RNLS: variants seen among roughly 807,000 people sequenced by gnomAD.
RNLS encodes the protein renalase, FAD dependent amine oxidase.
In RNLS, 39 loss-of-function variants were observed where a neutral mutation model predicts 39.8. The ratio of observed to expected loss-of-function variants is 0.98; its 90% CI spans 0.76 to 1.28. RNLS has a LOEUF of 1.28. RNLS is among the 50% of genes most tolerant of loss of function. The probability of loss-of-function intolerance (pLI) is 0.00; values close to 1 mark genes in which losing one functional copy is unlikely to be tolerated. For synonymous variants in RNLS, 147 were observed against 150.7 expected (o/e 0.98, Z 0.18); for missense variants, 410 against 413.3 (o/e 0.99, Z 0.07).
chr10:88,438,638 G>T (rs1841543034), intron 4 of RNLS, among the ~76,000 whole-genome samples: 1 of 152,202 alleles, frequency 6.6e-6, no homozygotes, highest in Non-Finnish European at 1.5e-5. Flanking sequence ...CACAGAATGG[G>T]TGGGTGATCT....
At chr10:88,178,986 T>A in the RNLS span, among the ~76,000 whole-genome samples, 1 of 152,158 alleles carries the variant, frequency 6.6e-6, no homozygotes, top group Non-Finnish European at 1.5e-5. Context: ...TTGTAGATGC[T>A]GAGGATATAT....
intron 6 of RNLS, among the ~76,000 whole-genome samples, chr10:88,277,947 T>C (rs1842872386): frequency 6.6e-6 from 1 of 152,198 alleles, no homozygotes; most frequent in Non-Finnish European, 1.5e-5. Flanking sequence ...AATTTAACTT[T>C]TCACAAATTT....
chr10:88,302,293 A>G (rs1366543033), intron 6 of RNLS, among the ~76,000 whole-genome samples: 1 of 152,232 alleles, frequency 6.6e-6, no homozygotes, highest in Non-Finnish European at 1.5e-5. Context: ...AATAACCAAA[A>G]GAGCTTGATT....
intron 4 of RNLS, among the ~76,000 whole-genome samples, chr10:88,422,686 G>T (rs1381479658): frequency 6.6e-6 from 1 of 151,714 alleles, no homozygotes; most frequent in Non-Finnish European, 1.5e-5. Flanking sequence ...TTAAGAAAAA[G>T]AACAATGGAA....
chr10:88,284,393 G>A lies in RNLS; in HGVS notation c.*961C>T. On this transcript the variant is annotated 3_prime_UTR_variant, in exon 7 of 7. Coordinates refer to ENST00000331772, the MANE Select transcript of RNLS (RefSeq NM_001031709.3). ...TTAGCAACAGGTAGCTGGTTTGGAA[G>A]GCTGGAGATTGATTTCTCTCCAGCT... is the stretch of plus-strand genomic sequence containing the variant. 1 of 985,368 alleles carries A rather than the reference G, an allele frequency of 1.0e-6. No homozygotes were observed. The highest frequency in any genetic ancestry group is 1.2e-6 in the Non-Finnish European group (1 of 829,906). 61.0% of individuals were successfully genotyped at this position (985,368 alleles called of 1,614,324 possible).
rs12262604 is a variant in RNLS, at chr10:88,327,223, G to A, written c.701-12582C>T. 6.9e-3 allele frequency among the ~76,000 whole-genome samples: 1,051 copies of A among 152,198 alleles called. 9 individuals carry two copies. The highest frequency in any genetic ancestry group is 0.031 in the Middle Eastern group (9 of 294). On this transcript the variant is annotated intron_variant, in intron 5 of 6. Coordinates refer to ENST00000331772, the MANE Select transcript of RNLS (RefSeq NM_001031709.3). ...GGCATGATTGTGTTTTGAAATGTGA[G>A]GACATGAGATTTGGGAGGGGCCAGG... is the stretch of plus-strand genomic sequence containing the variant.
chr10:88,582,892 C>T lies in RNLS; in HGVS notation c.118+181G>A, dbSNP rs546245428. Among the ~76,000 whole-genome samples, 4 of 152,288 alleles carry T rather than the reference C, an allele frequency of 2.6e-5. No homozygotes were observed. The South Asian group carries it at 8.3e-4, about 32-fold the overall frequency. ...CCTTCTTGGGCCTTTTCCCGGGCGGCGGAAGTCCCCGATCACGTGACGAGG... is the reference window on the plus strand; with the variant it reads ...CCTTCTTGGGCCTTTTCCCGGGCGGTGGAAGTCCCCGATCACGTGACGAGG... On this transcript the variant is annotated intron_variant, in intron 1 of 6. Transcript: ENST00000331772.
chr10:88,573,134 A>G (rs1849956930), intron 3 of RNLS, 73 bp from the exon 4 acceptor site: 1 of 1,433,118 alleles, frequency 7.0e-7, no homozygotes, highest in Non-Finnish European at 9.6e-7. Context: ...GAGTAGTCAC[A>G]AACTGAATCC....
chr10:88,528,619 G>A (rs894418450), intron 4 of RNLS, among the ~76,000 whole-genome samples: 4 of 152,080 alleles, frequency 2.6e-5, no homozygotes, highest in Non-Finnish European at 5.9e-5. Flanking sequence ...GCCGAGGCGG[G>A]CGGATCACTT....
chr10:88,220,127 C>T, the RNLS span, among the ~76,000 whole-genome samples: 5 of 152,274 alleles, frequency 3.3e-5, no homozygotes, highest in East Asian at 1.9e-4. Context: ...TAGCAGTTCC[C>T]GATTCACAGT....
intron 4 of RNLS, among the ~76,000 whole-genome samples, chr10:88,381,649 T>TAAAC (rs767053800): frequency 6.6e-6 from 1 of 152,074 alleles, no homozygotes; most frequent in Non-Finnish European, 1.5e-5. Flanking sequence ...TTTCTGTGAT[T>TAAAC]AAACAAATAT....
At chr10:88,288,879 A>T (rs1843470995) in intron 6 of RNLS, among the ~76,000 whole-genome samples, 1 of 152,206 alleles carries the variant, frequency 6.6e-6, no homozygotes, top group South Asian at 2.1e-4. Context: ...ACCCATGTAA[A>T]GTAAGAGCCC....
the RNLS span, among the ~76,000 whole-genome samples, chr10:88,248,906 C>T: frequency 2.0e-5 from 3 of 152,170 alleles, no homozygotes; most frequent in South Asian, 6.2e-4. Flanking sequence ...ACATGCTGTC[C>T]ATGTGCCTTC....
At chr10:88,305,624 T>C (rs561623203) in intron 6 of RNLS, among the ~76,000 whole-genome samples, 2 of 152,050 alleles carry the variant, frequency 1.3e-5, no homozygotes, top group Admixed American at 1.3e-4. Context: ...AACAAGAAGA[T>C]CTAACTATCC....
chr10:88,393,407 C>T (rs1176728407), intron 4 of RNLS, among the ~76,000 whole-genome samples: 2 of 151,940 alleles, frequency 1.3e-5, no homozygotes, highest in Non-Finnish European at 2.9e-5. Context: ...AACAGACAAA[C>T]AGAGAGCCAA....
chr10:88,226,606 A>G, the RNLS span, among the ~76,000 whole-genome samples: 4 of 152,182 alleles, frequency 2.6e-5, no homozygotes, highest in South Asian at 4.1e-4. Context: ...TACATATCTT[A>G]TAATCAATTC....
intron 4 of RNLS, among the ~76,000 whole-genome samples, chr10:88,465,811 CAAAGGA>C (rs1843170923): frequency 6.6e-6 from 1 of 151,950 alleles, no homozygotes; most frequent in Non-Finnish European, 1.5e-5. Context: ...ATTTGCTTGT[CAAAGGA>C]AATATTACTC....
the RNLS span, among the ~76,000 whole-genome samples, chr10:88,266,724 CACACACACACA>C: frequency 6.7e-5 from 10 of 150,302 alleles, no homozygotes; most frequent in South Asian, 2.1e-4. Flanking sequence ...CACACACACA[CACACACACACA>C]CCCCACACAC....
At chr10:88,520,811 C>T (rs762653339) in intron 4 of RNLS, among the ~76,000 whole-genome samples, 2 of 151,968 alleles carry the variant, frequency 1.3e-5, no homozygotes, top group African/African-American at 4.8e-5. Context: ...TGCCAAGATC[C>T]TATGTAAATA....
Sources: gnomAD v4.1 joint callset for allele counts (sites outside exome capture counted in the v4.1 genomes callset) on GRCh38, gnomAD v4.1.1 for gene constraint, MANE v1.5 for transcripts, NCBI Gene and HGNC (gene_info 2026-07-23, HGNC 2026-07-21) for gene names.